GRIK1: variants seen among roughly 807,000 people sequenced by gnomAD.
GRIK1 encodes the protein glutamate receptor ionotropic, kainate 1.
A neutral mutation model predicts 105.7 loss-of-function variants in GRIK1; 69 were observed. The observed-to-expected ratio is 0.65, with a 90% CI of 0.54 to 0.80. The LOEUF (loss-of-function observed/expected upper bound fraction) is 0.80. Ranked by LOEUF, GRIK1 falls within the 30% of genes least tolerant of loss-of-function variation. The probability of loss-of-function intolerance (pLI) is 0.00; values close to 1 mark genes in which losing one functional copy is unlikely to be tolerated. For synonymous variants in GRIK1, 438 were observed against 431.3 expected (o/e 1.02, Z -0.19); for missense variants, 1,109 against 1,167.3 (o/e 0.95, Z 0.73).
chr21:29,658,157 A>G (rs1031793965), intron 4 of GRIK1, among the ~76,000 whole-genome samples: 2 of 152,164 alleles, frequency 1.3e-5, no homozygotes, highest in African/African-American at 4.8e-5. Context: ...CATGTCACAC[A>G]CACTAAAATG....
At position 29,857,299 on chromosome 21, in the gene GRIK1, C is replaced by T. The variant is rs545818717; in HGVS notation, c.118+82084G>A. Among the ~76,000 whole-genome samples the T allele has an allele frequency of 3.3e-5, 5 of 152,280 alleles. No homozygotes were observed. The East Asian group carries it at 7.7e-4, about 24-fold the overall frequency. On this transcript the variant is annotated intron_variant, in intron 1 of 17. Transcript: ENST00000327783. Reference sequence around the variant, plus strand: ...GCAGAGCTGGGATGCCCACAATGGACCTGTCTGACTTCAAATTTGTGTTCT... The same window carrying T: ...GCAGAGCTGGGATGCCCACAATGGATCTGTCTGACTTCAAATTTGTGTTCT...
In GRIK1 at chr21:29,537,807, A is replaced by C; in HGVS notation, c.2685T>G (p.Gly895=). 1 of 1,497,478 alleles carries C rather than the reference A, an allele frequency of 6.7e-7. No homozygotes were observed. The highest frequency in any genetic ancestry group is 1.4e-5 in the African/African-American group (1 of 72,688). 92.8% of individuals were successfully genotyped at this position (1,497,478 alleles called of 1,614,324 possible). The change falls in exon 17 of 18, where the codon GGT becomes GGG. Residue 895 remains glycine (G), a synonymous_variant. Coordinates refer to ENST00000327783, the MANE Select transcript of GRIK1 (RefSeq NM_001330994.2). ...TAGAAAATGAACAAACCTTCTCTACACCAAGGCTTTGTTTTTTTCTCCCAT... is the reference window on the plus strand; with the variant it reads ...TAGAAAATGAACAAACCTTCTCTACCCCAAGGCTTTGTTTTTTTCTCCCAT... ...RFHGRKKQSL[G]VEKCLSFNAI...
intron 1 of GRIK1, among the ~76,000 whole-genome samples, chr21:29,870,794 C>T (rs2068979345): frequency 1.3e-5 from 2 of 152,078 alleles, no homozygotes; most frequent in African/African-American, 4.8e-5. Flanking sequence ...TAAATCTGAT[C>T]ATATTCATCT....
chr21:29,740,678 A>G (rs1793906946), intron 1 of GRIK1, among the ~76,000 whole-genome samples: 1 of 152,236 alleles, frequency 6.6e-6, no homozygotes, highest in South Asian at 2.1e-4. Flanking sequence ...ATCAAAGAGT[A>G]TCTTTAACAA....
At chr21:29,894,885 G>A (rs1319915759) in intron 1 of GRIK1, among the ~76,000 whole-genome samples, 4 of 152,110 alleles carry the variant, frequency 2.6e-5, no homozygotes, top group Non-Finnish European at 5.9e-5. Context: ...CTGACAGATG[G>A]TAAATTCCTT....
At chr21:29,935,083 A>T (rs535334170) in intron 1 of GRIK1, among the ~76,000 whole-genome samples, 2 of 152,236 alleles carry the variant, frequency 1.3e-5, no homozygotes, top group East Asian at 3.9e-4. Flanking sequence ...CTTCCTAAAC[A>T]CAGGCAACTC....
chr21:29,806,682 A>G (rs775417755), intron 1 of GRIK1, among the ~76,000 whole-genome samples: 4 of 152,160 alleles, frequency 2.6e-5, no homozygotes, highest in Non-Finnish European at 4.4e-5. Context: ...TCTAGCATTA[A>G]TTAATTCATA....
intron 1 of GRIK1, among the ~76,000 whole-genome samples, chr21:29,800,389 C>G (rs906430363): frequency 2.6e-5 from 4 of 152,180 alleles, no homozygotes; most frequent in Admixed American, 6.5e-5. Context: ...CCATTTTCCC[C>G]ACTCTAAAAG....
At chr21:29,924,166 C>A (rs1049130249) in intron 1 of GRIK1, among the ~76,000 whole-genome samples, 2 of 151,606 alleles carry the variant, frequency 1.3e-5, no homozygotes, top group African/African-American at 4.8e-5. Context: ...GGTGAAACGC[C>A]ATCTCTACTA....
chr21:29,854,950 G>A (rs756724619), intron 1 of GRIK1, among the ~76,000 whole-genome samples: 6 of 152,158 alleles, frequency 3.9e-5, no homozygotes, highest in Non-Finnish European at 7.4e-5. Flanking sequence ...CATAGAAAAA[G>A]GCCTCTTAAA....
At chr21:29,537,467 T>C in intron 17 of GRIK1, 82 bp from the exon 18 acceptor site, 1 of 1,118,760 alleles carries the variant, frequency 8.9e-7, no homozygotes. Context: ...TAGGTATTTA[T>C]GAACACAAGA....
chr21:29,544,472 A>G (rs2090020620), intron 16 of GRIK1, among the ~76,000 whole-genome samples: 1 of 152,146 alleles, frequency 6.6e-6, no homozygotes, highest in Non-Finnish European at 1.5e-5. Flanking sequence ...ATATTTTGAT[A>G]TTACTCTGTG....
chr21:29,892,361 A>C (rs1358316014), intron 1 of GRIK1, among the ~76,000 whole-genome samples: 2 of 152,236 alleles, frequency 1.3e-5, no homozygotes, highest in Non-Finnish European at 2.9e-5. Context: ...TGTTCACTAG[A>C]GCAGTGTCAA....
At chr21:29,599,733 T>G (rs1056323860) in intron 7 of GRIK1, among the ~76,000 whole-genome samples, 4 of 152,158 alleles carry the variant, frequency 2.6e-5, no homozygotes, top group Admixed American at 6.5e-5. Flanking sequence ...GAGGTTGTGG[T>G]GAGCCGAGAT....
At chr21:29,542,281 C>G (rs1454618755) in intron 16 of GRIK1, among the ~76,000 whole-genome samples, 1 of 152,022 alleles carries the variant, frequency 6.6e-6, no homozygotes, top group African/African-American at 2.4e-5. Context: ...TTTTACCTTC[C>G]CTTTTGGTTT....
At chr21:29,612,726 C>T (rs2061756673) in intron 7 of GRIK1, among the ~76,000 whole-genome samples, 1 of 152,162 alleles carries the variant, frequency 6.6e-6, no homozygotes, top group African/African-American at 2.4e-5. Flanking sequence ...TTAATATAAA[C>T]AGTAAATTAA....
intron 1 of GRIK1, among the ~76,000 whole-genome samples, chr21:29,717,859 G>C (rs1384200214): frequency 6.6e-6 from 1 of 152,194 alleles, no homozygotes; most frequent in Non-Finnish European, 1.5e-5. Flanking sequence ...TGGTTTGGCT[G>C]TGTCCCCACT....
At chr21:29,674,612 C>A (rs973204262) in intron 3 of GRIK1, among the ~76,000 whole-genome samples, 8 of 152,028 alleles carry the variant, frequency 5.3e-5, no homozygotes, top group African/African-American at 1.9e-4. Context: ...TGAGTGAATT[C>A]TCATGAGATC....
chr21:29,555,311 A>G lies in GRIK1; in HGVS notation c.2357-9T>C. 1 of 1,611,032 alleles carries G rather than the reference A, an allele frequency of 6.2e-7. No homozygotes were observed. The highest frequency in any genetic ancestry group is 8.5e-7 in the Non-Finnish European group (1 of 1,178,480). ...ATCCCGGTAAGGAGAACCTGGAAGT[A>G]AAACCATCTGGATATTGGTCACCAA... On this transcript the variant is annotated splice_polypyrimidine_tract_variant and intron_variant, in intron 15 of 17. Coordinates refer to ENST00000327783, the MANE Select transcript of GRIK1 (RefSeq NM_001330994.2).
Sources: allele counts gnomAD v4.1 joint callset (sites outside exome capture counted in the v4.1 genomes callset), GRCh38; gene constraint gnomAD v4.1.1; transcripts MANE v1.5; gene names NCBI Gene and HGNC (gene_info 2026-07-23, HGNC 2026-07-21).